Variants in CFAP74 observed in about 807,000 individuals in gnomAD.
CFAP74 encodes cilia- and flagella-associated protein 74.
In CFAP74, 124 loss-of-function variants were observed where a neutral mutation model predicts 188.9. That is an observed-to-expected ratio of 0.66 (90% CI 0.57 to 0.76). CFAP74 has a LOEUF of 0.76. CFAP74 is among the 30% of genes least tolerant of loss of function. The pLI, the probability that CFAP74 is intolerant of heterozygous loss-of-function variation, is 0.00. For synonymous variants in CFAP74, 956 were observed against 916.7 expected, an observed-to-expected ratio of 1.04 and a Z score of -0.77; for missense variants, 2,198 against 2,165.2, an observed-to-expected ratio of 1.02 and a Z score of -0.30.
intron 1 of CFAP74, among the ~76,000 whole-genome samples, chr1:1,992,868 C>T (rs912799335): frequency 1.3e-5 from 2 of 151,890 alleles, no homozygotes; most frequent in Admixed American, 6.6e-5. Flanking sequence ...CTCTTGGTAC[C>T]GAATCTTCTG....
chr1:1,955,716 C>T lies in CFAP74; in HGVS notation c.2151G>A (p.Lys717=), dbSNP rs1243150801. The T allele has an allele frequency of 1.2e-6, 2 of 1,613,216 alleles. No homozygotes were observed. Among genetic ancestry groups the T allele is most frequent in the Non-Finnish European group, 1.7e-6 (2 of 1,179,458 alleles). Residue 717 remains lysine, a synonymous_variant, in exon 18 of 39, where the codon AAG becomes AAA. Coordinates refer to ENST00000682832, the MANE Select transcript of CFAP74 (RefSeq NM_001304360.2). ...CTGCGGGCTGCTCCTCCTCCTGCTC[C>T]TTGTCCAGCTTCTCCAGCTCCTTCC... The part of the protein sequence containing the change: ...QSRKELEKLD[K]EQEEEQPAEP...
chr1:1,994,620 C>G (rs1180277217), intron 1 of CFAP74, among the ~76,000 whole-genome samples: 1 of 152,212 alleles, frequency 6.6e-6, no homozygotes, highest in Non-Finnish European at 1.5e-5. Context: ...ATGGCCAAAC[C>G]TATTCAGCTC....
At chr1:1,948,237 C>T (rs1653914460) in intron 18 of CFAP74, among the ~76,000 whole-genome samples, 1 of 152,014 alleles carries the variant, frequency 6.6e-6, no homozygotes, top group African/African-American at 2.4e-5. Flanking sequence ...CAACAAGAAC[C>T]TGGACCTGAG....
intron 1 of CFAP74, among the ~76,000 whole-genome samples, chr1:2,003,297 C>G (rs1488428071): frequency 1.3e-5 from 2 of 152,166 alleles, no homozygotes; most frequent in Non-Finnish European, 2.9e-5. Flanking sequence ...AAACAAAATA[C>G]TAGAGGCAAA....
chr1:1,936,872 A>G (rs1356450476), intron 25 of CFAP74, among the ~76,000 whole-genome samples: 2 of 151,176 alleles, frequency 1.3e-5, no homozygotes, highest in Non-Finnish European at 2.9e-5. Flanking sequence ...CACCCCTTGC[A>G]TTCAAGCCTG....
intron 18 of CFAP74, among the ~76,000 whole-genome samples, chr1:1,947,434 C>A (rs944209340): frequency 6.6e-6 from 1 of 152,234 alleles, no homozygotes; most frequent in Non-Finnish European, 1.5e-5. Flanking sequence ...ATAGCTGTAG[C>A]GTACTGTTCC....
intron 6 of CFAP74, among the ~76,000 whole-genome samples, chr1:1,982,289 G>A (rs1168036467): frequency 1.7e-5 from 2 of 114,572 alleles, no homozygotes; most frequent in Admixed American, 8.3e-5. Context: ...GTGGTCACAC[G>A]CGGGGACACG....
chr1:1,969,980 C>A lies in CFAP74; in HGVS notation c.1046+679G>T, dbSNP rs568404378. On this transcript the variant is annotated intron_variant, in intron 10 of 38. Coordinates refer to ENST00000682832, the MANE Select transcript of CFAP74 (RefSeq NM_001304360.2). ...GGTTTGCGTGGAGGTCACTGGGGAG[C>A]GTTACGGGCAGGGCTGGGAAAGGCG... 2.6e-4 allele frequency among the ~76,000 whole-genome samples: 40 copies of A among 152,292 alleles called. 1 individual carries two copies. The South Asian group carries it at 8.3e-3, about 32-fold the overall frequency.
At position 1,968,755 on chromosome 1, in the gene CFAP74, CTT is replaced by C. The variant is rs1655662036; in HGVS notation, c.1123_1124del (p.Lys375GlufsTer26). ...RILKEEAEEE[K>X]RKKQHPPTSA... is the part of the protein sequence containing the mutation. The stretch of plus-strand genomic sequence containing the variant: ...TGGTGGGGGGATGCTGTTTCTTCCT[CTT>C]TTCCTCCTCAGCCTCCTCTTTCAGA... On this transcript the variant is annotated frameshift_variant, in exon 11 of 39. Coordinates refer to ENST00000682832, the MANE Select transcript of CFAP74 (RefSeq NM_001304360.2). LOFTEE classifies it high-confidence loss of function. The surrounding 1 kb of genome is among the most constrained non-coding windows in gnomAD (Gnocchi z 4.3). The C allele has an allele frequency of 1.9e-6, 3 of 1,614,026 alleles. No individual in the cohort carries two copies. Among genetic ancestry groups the C allele is most frequent in the Admixed American group, 3.3e-5 (2 of 59,998 alleles).
intron 25 of CFAP74, among the ~76,000 whole-genome samples, chr1:1,931,966 T>C (rs60147457): frequency 0.46 from 68,078 of 148,216 alleles, 19,447 homozygotes; most frequent in African/African-American, 0.83. Context: ...CTCGGGAGGC[T>C]GAGGCAGGAG....
intron 18 of CFAP74, among the ~76,000 whole-genome samples, chr1:1,949,442 A>T (rs1223238927): frequency 1.3e-5 from 2 of 152,074 alleles, no homozygotes; most frequent in Non-Finnish European, 2.9e-5. Flanking sequence ...AGTGTAAGCC[A>T]CTGTGCCCGG....
rs575824552 is a variant in CFAP74, at chr1:1,960,023, G to A, written c.1702C>T (p.Pro568Ser). 2 of 1,591,934 alleles carry A rather than the reference G, an allele frequency of 1.3e-6. No individual in the cohort carries two copies. Among genetic ancestry groups the A allele is most frequent in the African/African-American group, 2.8e-5 (2 of 72,708 alleles). Residue 568 changes from proline (P) to serine (S), a missense_variant, in exon 15 of 39, where the codon CCC (proline) becomes TCC (serine). Pro to Ser is a moderately conservative substitution (Grantham distance 74). Coordinates refer to ENST00000682832, the MANE Select transcript of CFAP74 (RefSeq NM_001304360.2). ...LRDFIHVDFD[P>S]PGPLSAGMSC... ...ATTCCGGCTGACAGGGGGCCAGGGG[G>A]GTCAAAGCTGCAGGACGTGACCCAT...
At chr1:1,995,753 C>A (rs976305509) in intron 1 of CFAP74, among the ~76,000 whole-genome samples, 7 of 151,390 alleles carry the variant, frequency 4.6e-5, no homozygotes, top group Non-Finnish European at 1.0e-4. Context: ...ACTAAAAATA[C>A]AAAATTTAGC....
rs1655606382 is a variant in CFAP74 at position 1,968,064 on chromosome 1, A to G, written c.1245+571T>C. On this transcript the variant is annotated intron_variant, in intron 11 of 38. Transcript: ENST00000682832. The surrounding 1 kb of genome is among the most constrained non-coding windows in gnomAD (Gnocchi z 4.3). ...AATAAGTGTATCAGTGAGTGAGTGA[A>G]TGAATGAGTGAATGAGTAAAGAGTG... Among the ~76,000 whole-genome samples the G allele has an allele frequency of 6.6e-6, 1 of 151,938 alleles. No homozygotes were observed. Among genetic ancestry groups the G allele is most frequent in the Non-Finnish European group, 1.5e-5 (1 of 68,006 alleles).
At chr1:1,965,704 C>T (rs981921251) in intron 12 of CFAP74, among the ~76,000 whole-genome samples, 1 of 152,226 alleles carries the variant, frequency 6.6e-6, no homozygotes, top group Non-Finnish European at 1.5e-5. Flanking sequence ...CAGCCTTCTC[C>T]CTTGGGTGTC....
At chr1:1,962,247 C>T (rs921453271) in intron 14 of CFAP74, among the ~76,000 whole-genome samples, 3 of 151,770 alleles carry the variant, frequency 2.0e-5, no homozygotes, top group Non-Finnish European at 4.4e-5. Context: ...CCGAGGTGGG[C>T]CTCGGATCAC....
chr1:1,947,089 G>C, intron 18 of CFAP74, 35 bp from the exon 19 acceptor site: 3 of 1,483,114 alleles, frequency 2.0e-6, no homozygotes, highest in Non-Finnish European at 2.7e-6. Flanking sequence ...GTGAGGGTTG[G>C]CAGGGTGGAG....
At chr1:1,939,131 T>G in intron 24 of CFAP74, 143 bp from the exon 25 acceptor site, 1 of 886,276 alleles carries the variant, frequency 1.1e-6, no homozygotes. Context: ...TGTCAACGAG[T>G]GTGTGTCAGC....
intron 10 of CFAP74, among the ~76,000 whole-genome samples, chr1:1,970,151 C>G (rs1026692598): frequency 2.6e-5 from 4 of 152,170 alleles, no homozygotes; most frequent in Non-Finnish European, 4.4e-5. Context: ...CCAGAAGCAA[C>G]GTGTTCACCA....
Sources: gnomAD v4.1 joint callset for allele counts (sites outside exome capture counted in the v4.1 genomes callset) on GRCh38, gnomAD v4.1.1 for gene constraint, Gnocchi (gnomAD v3.1) non-coding constraint, MANE v1.5 for transcripts, NCBI Gene and HGNC (gene_info 2026-07-23, HGNC 2026-07-21) for gene names.